Variants in PTPRD observed in about 807,000 individuals in gnomAD.
PTPRD encodes receptor-type tyrosine-protein phosphatase delta.
A neutral mutation model predicts 214.5 loss-of-function variants in PTPRD; 34 were observed. The ratio of observed to expected loss-of-function variants is 0.16; its 90% confidence interval spans 0.12 to 0.21. PTPRD has a LOEUF of 0.21. Among genes scored for constraint, PTPRD ranks in the 10% least tolerant of loss-of-function variants. The pLI is 1.00. For missense variants in PTPRD, 2,545 were observed against 2,398.7 expected (o/e 1.06, Z -1.27); for synonymous variants, 1,128 against 845.7 (o/e 1.33, Z -5.79).
At chr9:9,287,171 G>T (rs1173050649) in intron 9 of PTPRD, among the ~76,000 whole-genome samples, 2 of 151,286 alleles carry the variant, frequency 1.3e-5, no homozygotes, top group Non-Finnish European at 3.0e-5. Flanking sequence ...GTTGCATTGA[G>T]CGGAGATCAC....
intron 33 of PTPRD, among the ~76,000 whole-genome samples, chr9:8,458,904 A>G (rs1164547553): frequency 6.6e-6 from 1 of 152,096 alleles, no homozygotes; most frequent in Non-Finnish European, 1.5e-5. Context: ...ATAATGATGG[A>G]TATATCTTTC....
At chr9:8,596,050 C>CAA (rs2094457896) in intron 14 of PTPRD, among the ~76,000 whole-genome samples, 1 of 152,088 alleles carries the variant, frequency 6.6e-6, no homozygotes, top group South Asian at 2.1e-4. Flanking sequence ...GCACAGGTAT[C>CAA]AGAGATTCTA....
intron 11 of PTPRD, among the ~76,000 whole-genome samples, chr9:8,764,640 C>G (rs756143923): frequency 6.6e-6 from 1 of 151,720 alleles, no homozygotes; most frequent in Non-Finnish European, 1.5e-5. Flanking sequence ...TACTAAAATA[C>G]GAAAATTAAC....
chr9:10,435,336 C>T lies in PTPRD; in HGVS notation c.-599-94319G>A, dbSNP rs142436423. On this transcript the variant is annotated intron_variant, in intron 2 of 45. Coordinates refer to ENST00000381196, the MANE Select transcript of PTPRD (RefSeq NM_002839.4). ...TATCCTAATAGCACTTTACACGACTCATACAGAATGCAAAGTTTCTCAAAG... is the reference window on the plus strand; with the variant it reads ...TATCCTAATAGCACTTTACACGACTTATACAGAATGCAAAGTTTCTCAAAG... Among the ~76,000 whole-genome samples the T allele has an allele frequency of 7.6e-3, 1,149 of 152,028 alleles. 9 individuals carry two copies. The highest frequency in any genetic ancestry group is 0.011 in the Non-Finnish European group (761 of 67,912).
At chr9:8,944,062 A>G (rs112157524) in intron 11 of PTPRD, among the ~76,000 whole-genome samples, 3,995 of 152,144 alleles carry the variant, frequency 0.026, 160 homozygotes, top group African/African-American at 0.09. Flanking sequence ...GGAAAAAAAA[A>G]TCTAGTAATC....
In PTPRD at chr9:8,937,732, A is replaced by G. The variant is rs186874436; in HGVS notation, c.-104+80965T>C. Among the ~76,000 whole-genome samples, 52 of 152,298 alleles carry G rather than the reference A, an allele frequency of 3.4e-4. No individual in the cohort carries two copies. In the East Asian group the frequency reaches 9.5e-3, roughly 28 times the overall value. ...CTCCTCCTTCTTACAAAAGCTTACA[A>G]TTAAACAACTGTGTGCTTTTCTTTA... On this transcript the variant is annotated intron_variant, in intron 11 of 45. Coordinates refer to ENST00000381196, the MANE Select transcript of PTPRD (RefSeq NM_002839.4).
chr9:8,586,970 A>T (rs933455015), intron 14 of PTPRD, among the ~76,000 whole-genome samples: 1 of 152,206 alleles, frequency 6.6e-6, no homozygotes, highest in African/African-American at 2.4e-5. Flanking sequence ...ACACGGTGAA[A>T]CCCAGTCTCT....
chr9:10,391,981 T>TGGAAG (rs1453776966), intron 2 of PTPRD, among the ~76,000 whole-genome samples: 3 of 151,734 alleles, frequency 2.0e-5, no homozygotes, highest in African/African-American at 7.2e-5. Context: ...GGTCACCTGT[T>TGGAAG]GGCAAAACCT....
chr9:9,661,672 G>A (rs567949494), intron 7 of PTPRD, among the ~76,000 whole-genome samples: 39 of 151,748 alleles, frequency 2.6e-4, no homozygotes, highest in African/African-American at 9.4e-4. Flanking sequence ...ATTCAACTAG[G>A]GTCTTGCAAA....
chr9:10,061,877 C>A lies in PTPRD; in HGVS notation c.-544-28087G>T, dbSNP rs193076231. ...AACAGTATAGTCTCTGGACCTGCAGCTTTATTATCACCCGGAACTCGCTAG... is the reference window on the plus strand; with the variant it reads ...AACAGTATAGTCTCTGGACCTGCAGATTTATTATCACCCGGAACTCGCTAG... On this transcript the variant is annotated intron_variant, in intron 3 of 45. Coordinates refer to ENST00000381196, the MANE Select transcript of PTPRD (RefSeq NM_002839.4). Among the ~76,000 whole-genome samples, 7 of 152,118 alleles carry A rather than the reference C, an allele frequency of 4.6e-5. No individual in the cohort carries two copies. The East Asian group carries it at 9.7e-4, about 21-fold the overall frequency.
At chr9:9,047,500 C>T (rs1291460857) in intron 10 of PTPRD, among the ~76,000 whole-genome samples, 1 of 152,034 alleles carries the variant, frequency 6.6e-6, no homozygotes, top group Non-Finnish European at 1.5e-5. Context: ...TGATTTCAGA[C>T]TATACTACAG....
chr9:8,968,217 G>A (rs1181225968), intron 11 of PTPRD, among the ~76,000 whole-genome samples: 3 of 152,158 alleles, frequency 2.0e-5, no homozygotes, highest in South Asian at 2.1e-4. Flanking sequence ...ATAAACATAC[G>A]TGTGCATGTG....
intron 9 of PTPRD, among the ~76,000 whole-genome samples, chr9:9,283,319 C>T (rs566714756): frequency 1.3e-5 from 2 of 151,476 alleles, no homozygotes; most frequent in South Asian, 4.2e-4. Flanking sequence ...AACCCACATT[C>T]AGAATTAATT....
At chr9:10,438,673 G>C (rs1297494139) in intron 2 of PTPRD, among the ~76,000 whole-genome samples, 1 of 151,390 alleles carries the variant, frequency 6.6e-6, no homozygotes, top group Non-Finnish European at 1.5e-5. Flanking sequence ...TCTCTTTCAA[G>C]ACCTCTGTAT....
intron 11 of PTPRD, among the ~76,000 whole-genome samples, chr9:8,792,310 G>A (rs2096263020): frequency 6.6e-6 from 1 of 152,180 alleles, no homozygotes; most frequent in Admixed American, 6.5e-5. Flanking sequence ...GAAACTGAAA[G>A]TCATCCATAG....
At chr9:9,230,517 G>C (rs2099962440) in intron 9 of PTPRD, among the ~76,000 whole-genome samples, 1 of 152,134 alleles carries the variant, frequency 6.6e-6, no homozygotes, top group South Asian at 2.1e-4. Flanking sequence ...TCCATCAGAA[G>C]TATGGGAGGC....
intron 8 of PTPRD, among the ~76,000 whole-genome samples, chr9:9,473,030 T>C (rs73403085): frequency 0.016 from 2,452 of 152,312 alleles, 77 homozygotes; most frequent in African/African-American, 0.057. Flanking sequence ...TTATTGTTAA[T>C]GAACTCTACA....
chr9:9,861,917 C>G (rs1371763548), intron 5 of PTPRD, among the ~76,000 whole-genome samples: 1 of 152,018 alleles, frequency 6.6e-6, no homozygotes, highest in Non-Finnish European at 1.5e-5. Context: ...AGCATATGCT[C>G]TGGTTAAAGA....
intron 3 of PTPRD, among the ~76,000 whole-genome samples, chr9:10,303,074 G>C (rs1016419161): frequency 6.8e-6 from 1 of 146,106 alleles, no homozygotes; most frequent in Non-Finnish European, 1.5e-5. Context: ...TCAGACCACA[G>C]TGCAATCAAG....
Sources: allele counts gnomAD v4.1 joint callset (sites outside exome capture counted in the v4.1 genomes callset), GRCh38; gene constraint gnomAD v4.1.1; transcripts MANE v1.5; gene names NCBI Gene and HGNC (gene_info 2026-07-23, HGNC 2026-07-21).